FSIP1: variants seen among roughly 807,000 people sequenced by gnomAD.
FSIP1 encodes fibrous sheath interacting protein 1.
A neutral mutation model predicts 60.9 loss-of-function variants in FSIP1; 65 were observed. The ratio of observed to expected loss-of-function variants is 1.07; its 90% CI spans 0.87 to 1.31. FSIP1 has a LOEUF of 1.31. FSIP1 is among the 40% of genes most tolerant of loss of function. The probability of loss-of-function intolerance (pLI) is 0.00; values close to 1 mark genes in which losing one functional copy is unlikely to be tolerated. For missense variants in FSIP1, 675 were observed against 665.5 expected, an observed-to-expected ratio of 1.01 and a Z score of -0.16; for synonymous variants, 209 against 221.2, an observed-to-expected ratio of 0.94 and a Z score of 0.49.
chr15:39,713,776 G>A (rs1409140476), intron 9 of FSIP1, among the ~76,000 whole-genome samples, 195 bp from the exon 10 acceptor site: 1 of 152,170 alleles, frequency 6.6e-6, no homozygotes, highest in Non-Finnish European at 1.5e-5. Flanking sequence ...ATAACAAGTA[G>A]GAAAGGAACC....
intron 10 of FSIP1, among the ~76,000 whole-genome samples, chr15:39,678,828 T>C (rs926289341): frequency 6.6e-6 from 1 of 152,204 alleles, no homozygotes; most frequent in Non-Finnish European, 1.5e-5. Flanking sequence ...GTATAGTCCA[T>C]ACAAACCAAA....
At chr15:39,665,421 T>A (rs1301521473) in intron 10 of FSIP1, among the ~76,000 whole-genome samples, 1 of 152,188 alleles carries the variant, frequency 6.6e-6, no homozygotes, top group Non-Finnish European at 1.5e-5. Context: ...TAAGATAAAA[T>A]ACCTATTTAA....
chr15:39,739,511 G>C (rs1595680965), intron 7 of FSIP1, among the ~76,000 whole-genome samples, 154 bp downstream of exon 7: 2 of 152,224 alleles, frequency 1.3e-5, no homozygotes, highest in Non-Finnish European at 2.9e-5. Flanking sequence ...TGAAGTACTG[G>C]TTCATAAAAG....
chr15:39,704,260 A>T (rs746441241), intron 10 of FSIP1, among the ~76,000 whole-genome samples: 2 of 152,234 alleles, frequency 1.3e-5, no homozygotes, highest in African/African-American at 4.8e-5. Context: ...TGAAAAAAAG[A>T]TTAAAATAAT....
At chr15:39,627,211 G>T (rs1891678334) in intron 10 of FSIP1, among the ~76,000 whole-genome samples, 1 of 152,186 alleles carries the variant, frequency 6.6e-6, no homozygotes, top group Non-Finnish European at 1.5e-5. Flanking sequence ...CTTGCCTGCT[G>T]CCGGGCTGAG....
At position 39,648,525 on chromosome 15, in the gene FSIP1, T is replaced by C. The variant is rs146968824; in HGVS notation, c.1189-30280A>G. Among the ~76,000 whole-genome samples the C allele has an allele frequency of 9.6e-3, 1,467 of 152,318 alleles. 12 individuals are homozygous for C. Among genetic ancestry groups the C allele is most frequent in the Middle Eastern group, 0.02 (6 of 294 alleles). On this transcript the variant is annotated intron_variant, in intron 10 of 11. Coordinates refer to ENST00000350221, the MANE Select transcript of FSIP1 (RefSeq NM_152597.5). ...GAACCACTGACACAGACCAATGCTT[T>C]CCAAGACCCCACCTTGTTAGGAAAA...
chr15:39,695,308 G>A (rs1343777363), intron 10 of FSIP1, among the ~76,000 whole-genome samples: 2 of 151,354 alleles, frequency 1.3e-5, no homozygotes, highest in Non-Finnish European at 2.9e-5. Flanking sequence ...TCTGTACCCC[G>A]TGGCACCCAG....
intron 8 of FSIP1, among the ~76,000 whole-genome samples, chr15:39,734,383 A>G (rs1461354847): frequency 6.6e-6 from 1 of 152,214 alleles, no homozygotes; most frequent in Non-Finnish European, 1.5e-5. Flanking sequence ...GTGGCTAAAA[A>G]TTTTGGCTAA....
intron 3 of FSIP1, 112 bp downstream of exon 3, chr15:39,770,315 T>C: frequency 2.6e-6 from 2 of 769,450 alleles, no homozygotes; most frequent in Non-Finnish European, 3.8e-6. Flanking sequence ...TGGTTTATTA[T>C]TTATATTTAG....
At chr15:39,713,839 C>G (rs1895631329) in intron 9 of FSIP1, among the ~76,000 whole-genome samples, 1 of 152,186 alleles carries the variant, frequency 6.6e-6, no homozygotes, top group South Asian at 2.1e-4. Context: ...ACAGCTGGAG[C>G]CAGGAAACAG....
chr15:39,632,013 G>A (rs1485370910), intron 10 of FSIP1, among the ~76,000 whole-genome samples: 1 of 152,190 alleles, frequency 6.6e-6, no homozygotes. Context: ...AGATGGTGGT[G>A]CTGAGTCACT....
intron 10 of FSIP1, among the ~76,000 whole-genome samples, chr15:39,644,063 T>C (rs1892485439): frequency 6.6e-6 from 1 of 152,222 alleles, no homozygotes; most frequent in Non-Finnish European, 1.5e-5. Context: ...GCTGAAACTC[T>C]CTATCACTTA....
At chr15:39,727,312 A>C (rs1275605430) in intron 8 of FSIP1, among the ~76,000 whole-genome samples, 1 of 152,226 alleles carries the variant, frequency 6.6e-6, no homozygotes, top group Non-Finnish European at 1.5e-5. Context: ...TTCAATATGA[A>C]TATCACAAGG....
chr15:39,778,018 G>A (rs1898119971), intron 1 of FSIP1, among the ~76,000 whole-genome samples: 1 of 152,172 alleles, frequency 6.6e-6, no homozygotes, highest in Non-Finnish European at 1.5e-5. Flanking sequence ...CAAAGCTTAT[G>A]TTTAAGAGAT....
At chr15:39,655,269 C>T (rs1348828129) in intron 10 of FSIP1, among the ~76,000 whole-genome samples, 1 of 152,158 alleles carries the variant, frequency 6.6e-6, no homozygotes, top group Admixed American at 6.5e-5. Context: ...GAAATGTAAA[C>T]TTACAGGGAT....
intron 11 of FSIP1, chr15:39,602,465 T>C (rs994343420): frequency 2.7e-5 from 12 of 436,490 alleles, no homozygotes; most frequent in Admixed American, 2.6e-4. Flanking sequence ...AGGAAACTAA[T>C]ACAAATATAT....
intron 2 of FSIP1, among the ~76,000 whole-genome samples, 153 bp from the exon 3 acceptor site, chr15:39,770,763 TAATTA>T (rs2140721336): frequency 6.6e-6 from 1 of 152,366 alleles, no homozygotes; most frequent in South Asian, 2.1e-4. Flanking sequence ...TATAACACTC[TAATTA>T]AATGTAATTT....
At position 39,717,637 on chromosome 15, in the gene FSIP1, T is replaced by A. The variant is rs200458801; in HGVS notation, c.1051-4056A>T. Among the ~76,000 whole-genome samples the A allele has an allele frequency of 3.9e-5, 6 of 152,298 alleles. No individual in the cohort carries two copies. In the East Asian group the frequency reaches 1.2e-3, roughly 29 times the overall value. On this transcript the variant is annotated intron_variant, in intron 9 of 11. Transcript: ENST00000350221. ...AGTCCATGCCAAAACAATATAGGTATAAAGAGCAAAACAGCTATAAGCTGA... is the reference window on the plus strand; with the variant it reads ...AGTCCATGCCAAAACAATATAGGTAAAAAGAGCAAAACAGCTATAAGCTGA...
chr15:39,682,471 A>G (rs781594396), intron 10 of FSIP1, among the ~76,000 whole-genome samples: 67 of 152,294 alleles, frequency 4.4e-4, no homozygotes, highest in Middle Eastern at 3.4e-3. Context: ...CAGCATTCTC[A>G]GTGCAGGCAC....
Sources: allele counts gnomAD v4.1 joint callset (sites outside exome capture counted in the v4.1 genomes callset), GRCh38; gene constraint gnomAD v4.1.1; transcripts MANE v1.5; gene names NCBI Gene and HGNC (gene_info 2026-07-23, HGNC 2026-07-21).